The following PTPRT variants were observed in gnomAD, a reference collection of about 807,000 sequenced individuals.
PTPRT encodes protein tyrosine phosphatase receptor type T, also known as receptor-type tyrosine-protein phosphatase T.
PTPRT carries 56 observed loss-of-function variants against 176.8 expected under a neutral mutation model. That is an observed-to-expected ratio of 0.32 (90% CI 0.26 to 0.40). The LOEUF (loss-of-function observed/expected upper bound fraction) is 0.40. Ranked by LOEUF, PTPRT falls within the 10% of genes least tolerant of loss-of-function variation. PTPRT has a pLI of 1.00. For missense variants in PTPRT, 1,540 were observed against 1,908.2 expected (o/e 0.81, Z 3.60); for synonymous variants, 783 against 739.0 (o/e 1.06, Z -0.96).
chr20:42,736,104 C>T (rs961309379), intron 6 of PTPRT, among the ~76,000 whole-genome samples: 1 of 152,196 alleles, frequency 6.6e-6, no homozygotes, highest in Non-Finnish European at 1.5e-5. Context: ...GGACACAGCC[C>T]TTACCTTCGA....
intron 1 of PTPRT, among the ~76,000 whole-genome samples, chr20:43,096,926 C>T (rs2146318123): frequency 6.6e-6 from 1 of 152,270 alleles, no homozygotes; most frequent in East Asian, 1.9e-4. Flanking sequence ...AGCACACAGG[C>T]AGGATTGCAA....
intron 13 of PTPRT, among the ~76,000 whole-genome samples, chr20:42,274,581 G>GTGTTTA (rs1555812658): frequency 1.5e-5 from 2 of 134,168 alleles, no homozygotes; most frequent in East Asian, 4.3e-4. Context: ...GTGTGTGTGT[G>GTGTTTA]TGTGTGTGTG....
At chr20:42,584,667 C>T (rs2073440799) in intron 7 of PTPRT, among the ~76,000 whole-genome samples, 1 of 152,164 alleles carries the variant, frequency 6.6e-6, no homozygotes, top group South Asian at 2.1e-4. Flanking sequence ...ATTTAGACCT[C>T]CTCTCCTCCC....
At chr20:42,567,074 C>G (rs1384519278) in intron 7 of PTPRT, among the ~76,000 whole-genome samples, 2 of 152,112 alleles carry the variant, frequency 1.3e-5, no homozygotes, top group African/African-American at 4.8e-5. Context: ...GAGTTCGAGA[C>G]CAGCCTGGCC....
chr20:42,205,382 C>T (rs2055429378), intron 15 of PTPRT, among the ~76,000 whole-genome samples: 1 of 152,106 alleles, frequency 6.6e-6, no homozygotes, highest in Admixed American at 6.5e-5. Flanking sequence ...TGAGCAAGTA[C>T]GTTGAATCTG....
At chr20:42,348,338 C>G (rs181131192) in intron 11 of PTPRT, among the ~76,000 whole-genome samples, 30 of 152,004 alleles carry the variant, frequency 2.0e-4, no homozygotes, top group Non-Finnish European at 3.4e-4. Flanking sequence ...TTTCCAGACA[C>G]CAACCATTTC....
At chr20:42,644,068 C>A (rs7265474) in intron 7 of PTPRT, among the ~76,000 whole-genome samples, 1 of 152,036 alleles carries the variant, frequency 6.6e-6, no homozygotes, top group African/African-American at 2.4e-5. Flanking sequence ...TGAAGAGACC[C>A]GCAGAAAACC....
chr20:42,212,743 A>T (rs1475691721), intron 15 of PTPRT, among the ~76,000 whole-genome samples: 1 of 152,208 alleles, frequency 6.6e-6, no homozygotes, highest in African/African-American at 2.4e-5. Context: ...GGGTATGCAC[A>T]CAGTAAGCAC....
Position 42,128,709 on chromosome 20 carries a change from C to A in PTPRT, c.2847+45G>T, listed in dbSNP as rs576780482. 4.7e-6 allele frequency: 7 copies of A among 1,496,136 alleles called. No individual in the cohort carries two copies. The South Asian group carries it at 8.0e-5, about 17-fold the overall frequency. The allele number at this position is 1,496,136 out of a possible 1,614,324, so 92.7% of individuals were successfully genotyped here. A position where few individuals can be genotyped will look rare whatever the true frequency, so the allele number is the denominator to read the frequency against. On this transcript the variant is annotated intron_variant, in intron 19 of 30. Transcript: ENST00000373187. ...TTTGGGGTAAACCACAGATCTTGAG[C>A]CTGCAAAAGCCAGCCCCAGCCCCCA...
intron 24 of PTPRT, among the ~76,000 whole-genome samples, 198 bp downstream of exon 24, chr20:42,106,588 C>T (rs1986464447): frequency 6.6e-6 from 1 of 152,174 alleles, no homozygotes; most frequent in Non-Finnish European, 1.5e-5. Flanking sequence ...GCACTGTAGA[C>T]CTCCAGGGTT....
chr20:43,015,667 G>A (rs1985331684), intron 1 of PTPRT, among the ~76,000 whole-genome samples: 1 of 152,064 alleles, frequency 6.6e-6, no homozygotes, highest in South Asian at 2.1e-4. Context: ...AGTTAGATGT[G>A]GGACTGTGGA....
intron 1 of PTPRT, among the ~76,000 whole-genome samples, chr20:42,984,335 AG>A (rs1434663069): frequency 6.6e-6 from 1 of 152,246 alleles, no homozygotes; most frequent in Non-Finnish European, 1.5e-5. Flanking sequence ...AGACAGAAAA[AG>A]TCCTGAACAT....
intron 9 of PTPRT, among the ~76,000 whole-genome samples, chr20:42,446,859 T>C (rs2070742286): frequency 6.6e-6 from 1 of 152,116 alleles, no homozygotes; most frequent in Non-Finnish European, 1.5e-5. Context: ...GGATGTCTGT[T>C]TCCTCCTTCC....
At chr20:42,693,438 C>A (rs76879169) in intron 6 of PTPRT, among the ~76,000 whole-genome samples, 3 of 151,988 alleles carry the variant, frequency 2.0e-5, no homozygotes, top group African/African-American at 7.3e-5. Flanking sequence ...AGAGAGCTTA[C>A]CTTTTAGGAA....
intron 16 of PTPRT, among the ~76,000 whole-genome samples, chr20:42,186,636 T>C (rs546110625): frequency 1.6e-4 from 24 of 152,212 alleles, no homozygotes; most frequent in African/African-American, 5.3e-4. Flanking sequence ...CTTTAGCTTA[T>C]AAACAATCAG....
chr20:42,516,452 G>C (rs1388471082), intron 7 of PTPRT, among the ~76,000 whole-genome samples: 1 of 152,052 alleles, frequency 6.6e-6, no homozygotes, highest in African/African-American at 2.4e-5. Flanking sequence ...GTTTTTGTGA[G>C]ATACATCATG....
chr20:43,076,541 GA>G (rs1325197802), intron 1 of PTPRT, among the ~76,000 whole-genome samples: 2 of 152,094 alleles, frequency 1.3e-5, no homozygotes, highest in African/African-American at 2.4e-5. Flanking sequence ...TTGGAGGAGA[GA>G]AAAAATATTC....
intron 12 of PTPRT, among the ~76,000 whole-genome samples, chr20:42,283,567 T>C (rs754859639): frequency 5.1e-4 from 78 of 152,052 alleles, no homozygotes; most frequent in Non-Finnish European, 1.0e-3. Flanking sequence ...GGTGTGTGGC[T>C]GGGTCTAAGG....
At chr20:42,391,983 G>A (rs1010201328) in intron 9 of PTPRT, among the ~76,000 whole-genome samples, 7 of 152,190 alleles carry the variant, frequency 4.6e-5, no homozygotes, top group East Asian at 3.9e-4. Context: ...CTGCCATGAT[G>A]GGCAATGGCC....
Sources: allele counts gnomAD v4.1 joint callset (sites outside exome capture counted in the v4.1 genomes callset), GRCh38; gene constraint gnomAD v4.1.1; transcripts MANE v1.5; gene names NCBI Gene and HGNC (gene_info 2026-07-23, HGNC 2026-07-21).